VIPAS39: variants seen among roughly 807,000 people sequenced by gnomAD.
VIPAS39 encodes the protein VPS33B interacting protein, apical-basolateral polarity regulator, spe-39 homolog.
A neutral mutation model predicts 84.7 loss-of-function variants in VIPAS39; 63 were observed. That is an observed-to-expected ratio of 0.74 (90% confidence interval 0.61 to 0.92). The LOEUF is 0.92. Ranked by LOEUF, VIPAS39 falls within the 40% of genes least tolerant of loss-of-function variation. VIPAS39 has a pLI of 0.00. For missense variants in VIPAS39, 499 were observed against 604.5 expected, an observed-to-expected ratio of 0.83 and a Z score of 1.83; for synonymous variants, 192 against 216.5, an observed-to-expected ratio of 0.89 and a Z score of 0.99.
At position 77,451,613 on chromosome 14, in the gene VIPAS39, T is replaced by C. The variant is rs1158565277; in HGVS notation, c.197-280A>G. 1.3e-5 allele frequency among the ~76,000 whole-genome samples: 2 copies of C among 152,186 alleles called. 1 individual carries two copies. Among genetic ancestry groups the C allele is most frequent in the South Asian group, 4.2e-4 (2 of 4,818 alleles). On this transcript the variant is annotated intron_variant, in intron 3 of 19. Coordinates refer to ENST00000557658, the MANE Select transcript of VIPAS39 (RefSeq NM_001193315.2). Reference sequence around the variant, plus strand: ...TTTCTTTTTTTTTAGAGACAGGGTCTCACTACATTGCCGGAGCTCTGGAGT... The same window carrying C: ...TTTCTTTTTTTTTAGAGACAGGGTCCCACTACATTGCCGGAGCTCTGGAGT...
intron 1 of VIPAS39, among the ~76,000 whole-genome samples, chr14:77,456,014 G>A (rs1381756479): frequency 6.6e-6 from 1 of 152,186 alleles, no homozygotes; most frequent in Non-Finnish European, 1.5e-5. Flanking sequence ...GTGGATAAAT[G>A]ACTTTACTTC....
At chr14:77,454,213 A>G in intron 1 of VIPAS39, 111 bp from the exon 2 acceptor site, 2 of 970,804 alleles carry the variant, frequency 2.1e-6, no homozygotes, top group Non-Finnish European at 3.3e-6. Flanking sequence ...AGGATGCAGA[A>G]AAGAATCTGG....
intron 1 of VIPAS39, 180 bp downstream of exon 1, chr14:77,457,315 C>A: frequency 6.5e-7 from 1 of 1,535,670 alleles, no homozygotes; most frequent in Non-Finnish European, 8.7e-7. Flanking sequence ...CGCTGGTGCT[C>A]ACTCGCAGCC....
chr14:77,452,779 CAAAAAAA>C (rs11418833), intron 3 of VIPAS39, among the ~76,000 whole-genome samples: 4 of 106,818 alleles, frequency 3.7e-5, no homozygotes, highest in Non-Finnish European at 5.5e-5. Context: ...GACTCCATCT[CAAAAAAA>C]AAAAAAAAAA....
chr14:77,456,926 A>G (rs781184357), intron 1 of VIPAS39, among the ~76,000 whole-genome samples: 2 of 152,206 alleles, frequency 1.3e-5, no homozygotes, highest in Non-Finnish European at 2.9e-5. Context: ...CTTCAACATG[A>G]TTTAAAATAC....
intron 16 of VIPAS39, among the ~76,000 whole-genome samples, chr14:77,430,576 G>A (rs1221309807): frequency 6.6e-6 from 1 of 152,002 alleles, no homozygotes; most frequent in Admixed American, 6.6e-5. Flanking sequence ...AATTAGCCGG[G>A]CAGGGTGGCG....
At chr14:77,431,370 G>A (rs2078519883) in intron 16 of VIPAS39, among the ~76,000 whole-genome samples, 1 of 152,212 alleles carries the variant, frequency 6.6e-6, no homozygotes, top group South Asian at 2.1e-4. Context: ...CAAAAGACTT[G>A]AATGGACATT....
chr14:77,434,159 C>G, intron 15 of VIPAS39, 103 bp downstream of exon 15: 2 of 1,317,302 alleles, frequency 1.5e-6, no homozygotes, highest in African/African-American at 1.5e-5. Flanking sequence ...CCACCTTTAA[C>G]CTTGAATATC....
chr14:77,452,779 CAAAAAAAAA>C (rs11418833), intron 3 of VIPAS39, among the ~76,000 whole-genome samples: 22,530 of 106,924 alleles, frequency 0.21, 1,887 homozygotes, highest in Middle Eastern at 0.31. Context: ...GACTCCATCT[CAAAAAAAAA>C]AAAAAAAAAA....
chr14:77,445,939 CAAA>C (rs35123201), intron 7 of VIPAS39, among the ~76,000 whole-genome samples: 7 of 100,148 alleles, frequency 7.0e-5, no homozygotes, highest in Admixed American at 3.9e-4. Context: ...GACTCCATCT[CAAA>C]AAAAAAAAAA....
chr14:77,427,997 C>A (rs999588515), intron 19 of VIPAS39, among the ~76,000 whole-genome samples: 2 of 152,160 alleles, frequency 1.3e-5, no homozygotes, highest in African/African-American at 4.8e-5. Context: ...ATCTATTTCA[C>A]CCACTTCTTA....
chr14:77,448,661 G>T lies in VIPAS39; in HGVS notation c.448-111C>A, dbSNP rs941777248. On this transcript the variant is annotated intron_variant, in intron 6 of 19. Transcript: ENST00000557658. Reference sequence around the variant, plus strand: ...AGTGTCTAAGGGGGAAATAATTTGTGGGAGGGAATGGATGTGAAAAAAATG... The same window carrying T: ...AGTGTCTAAGGGGGAAATAATTTGTTGGAGGGAATGGATGTGAAAAAAATG... The T allele has an allele frequency of 7.8e-6, 9 of 1,153,694 alleles. No homozygotes were observed. The African/African-American group carries it at 1.2e-4, about 16-fold the overall frequency. The allele number at this position is 1,153,694 out of a possible 1,614,324, so 71.5% of individuals were successfully genotyped here.
At chr14:77,449,887 T>C in intron 4 of VIPAS39, 135 bp from the exon 5 acceptor site, 1 of 1,048,242 alleles carries the variant, frequency 9.5e-7, no homozygotes, top group East Asian at 2.5e-5. Flanking sequence ...GTTTTATTCA[T>C]CTGTAGAAAT....
intron 16 of VIPAS39, 72 bp from the exon 17 acceptor site, chr14:77,429,839 T>C: frequency 7.4e-7 from 1 of 1,351,096 alleles, no homozygotes; most frequent in East Asian, 2.3e-5. Context: ...GTCTATGTTT[T>C]ACGATCAGAC....
intron 7 of VIPAS39, among the ~76,000 whole-genome samples, chr14:77,447,822 G>A (rs140055279): frequency 0.029 from 4,406 of 151,756 alleles, 204 homozygotes; most frequent in African/African-American, 0.1. Flanking sequence ...CACCACGCCC[G>A]CCTAATTTTT....
intron 1 of VIPAS39, among the ~76,000 whole-genome samples, chr14:77,454,520 C>T (rs2078931463): frequency 6.6e-6 from 1 of 151,872 alleles, no homozygotes; most frequent in Non-Finnish European, 1.5e-5. Flanking sequence ...ACTAAAAATA[C>T]AAAATTAGCC....
intron 18 of VIPAS39, 92 bp from the exon 19 acceptor site, chr14:77,428,566 A>T: frequency 9.5e-7 from 1 of 1,047,550 alleles, no homozygotes; most frequent in South Asian, 1.3e-5. Context: ...GGGCTCAAGC[A>T]ATCCTCTCTC....
chr14:77,426,905 GC>G lies in VIPAS39; in HGVS notation c.*710del, dbSNP rs1249392936. The G allele has an allele frequency of 1.3e-5, 2 of 152,276 alleles. No individual in the cohort carries two copies. Among genetic ancestry groups the G allele is most frequent in the Non-Finnish European group, 2.9e-5 (2 of 68,104 alleles). The allele number at this position is 152,276 out of a possible 1,614,324, so 9.4% of individuals were successfully genotyped here. A position where few individuals can be genotyped will look rare whatever the true frequency, so the allele number is the denominator to read the frequency against. ...CATAAAGAGAGAGCTCTCCAGCACT[GC>G]TGCATCTGAGCTTCTTATAAAGTGA... On this transcript the variant is annotated 3_prime_UTR_variant, in exon 20 of 20. Coordinates refer to ENST00000557658, the MANE Select transcript of VIPAS39 (RefSeq NM_001193315.2).
intron 6 of VIPAS39, 40 bp downstream of exon 6, chr14:77,449,253 T>C (rs953324819): frequency 1.3e-6 from 2 of 1,590,350 alleles, no homozygotes; most frequent in African/African-American, 1.3e-5. Context: ...AGGTACTTTA[T>C]ACTGTGGAAA....
Sources: gnomAD v4.1 joint callset for allele counts (sites outside exome capture counted in the v4.1 genomes callset) on GRCh38, gnomAD v4.1.1 for gene constraint, MANE v1.5 for transcripts, NCBI Gene and HGNC (gene_info 2026-07-23, HGNC 2026-07-21) for gene names.